CLIP4: variants seen among roughly 807,000 people sequenced by gnomAD.
CLIP4 encodes the protein CAP-Gly domain-containing linker protein 4.
CLIP4 carries 47 observed loss-of-function variants against 73.1 expected under a neutral mutation model. The observed-to-expected ratio is 0.64, with a 90% CI of 0.51 to 0.82. The LOEUF (loss-of-function observed/expected upper bound fraction) is 0.82, where lower values mean the gene tolerates loss of function less well. Among genes scored for constraint, CLIP4 ranks in the 40% least tolerant of loss-of-function variants. The pLI, the probability that CLIP4 is intolerant of heterozygous loss-of-function variation, is 0.00. For missense variants in CLIP4, 874 were observed against 852.9 expected (o/e 1.02, Z -0.31); for synonymous variants, 306 against 295.4 (o/e 1.04, Z -0.37).
Position 29,183,541 on chromosome 2 carries a change from A to C in CLIP4, c.*1648A>C, listed in dbSNP as rs1443126828. 1 of 152,636 alleles carries C rather than the reference A, an allele frequency of 6.6e-6. No homozygotes were observed. The highest frequency in any genetic ancestry group is 1.5e-5 in the Non-Finnish European group (1 of 68,028). The allele number at this position is 152,636 out of a possible 1,614,324, so 9.5% of individuals were successfully genotyped here. ...ACCTTAACATGAAATCCATGACCACACCAAACTTGGTTATTCATAATTTTT... is the reference window on the plus strand; with the variant it reads ...ACCTTAACATGAAATCCATGACCACCCCAAACTTGGTTATTCATAATTTTT... On this transcript the variant is annotated 3_prime_UTR_variant, in exon 16 of 16. Transcript: ENST00000320081.
chr2:29,119,159 T>C (rs1419645855), intron 1 of CLIP4, among the ~76,000 whole-genome samples: 2 of 152,238 alleles, frequency 1.3e-5, no homozygotes, highest in Non-Finnish European at 2.9e-5. Flanking sequence ...TCAGGTAATA[T>C]TGTAGCTTCT....
At chr2:29,135,837 A>G (rs1283723864) in intron 6 of CLIP4, among the ~76,000 whole-genome samples, 171 bp downstream of exon 6, 2 of 152,226 alleles carry the variant, frequency 1.3e-5, no homozygotes, top group East Asian at 3.8e-4. Flanking sequence ...AAATAAATTT[A>G]AGGCATAATG....
At chr2:29,120,067 G>A (rs953586458) in intron 1 of CLIP4, among the ~76,000 whole-genome samples, 5 of 152,070 alleles carry the variant, frequency 3.3e-5, no homozygotes, top group South Asian at 2.1e-4. Flanking sequence ...GAAGATCACC[G>A]CTGCTCTATA....
intron 13 of CLIP4, among the ~76,000 whole-genome samples, chr2:29,165,778 C>T (rs1372290479): frequency 1.3e-5 from 2 of 152,162 alleles, no homozygotes; most frequent in African/African-American, 2.4e-5. Context: ...AAATATTGAT[C>T]CAATCTGATT....
chr2:29,114,547 C>A (rs2148445896), upstream of CLIP4, among the ~76,000 whole-genome samples: 1 of 152,298 alleles, frequency 6.6e-6, no homozygotes, highest in Admixed American at 6.5e-5. Flanking sequence ...AGGTGTTCAA[C>A]CACTGCTTGG....
Position 29,115,977 on chromosome 2 carries a change from T to C in CLIP4, c.-16+312T>C, listed in dbSNP as rs2148449931. Among the ~76,000 whole-genome samples, 1 of 152,256 alleles carries C rather than the reference T, an allele frequency of 6.6e-6. No homozygotes were observed. The highest frequency in any genetic ancestry group is 1.9e-4 in the East Asian group (1 of 5,164). On this transcript the variant is annotated intron_variant, in intron 1 of 15. Transcript: ENST00000320081. The surrounding 1 kb of genome is among the most constrained non-coding windows in gnomAD (Gnocchi z 5.1). ...GCGGGACCCGGCGGCGGAGCTGGGC[T>C]CTGGGCCACGACCGCCAGCCGCGGC... is the stretch of plus-strand genomic sequence containing the variant.
chr2:29,126,666 G>A (rs985154779), intron 2 of CLIP4, among the ~76,000 whole-genome samples: 62 of 152,270 alleles, frequency 4.1e-4, no homozygotes, highest in African/African-American at 1.5e-3. Context: ...AGTTTCTACC[G>A]ATGGACTTTC....
At chr2:29,177,423 AT>A (rs1327760111) in intron 15 of CLIP4, among the ~76,000 whole-genome samples, 26 of 143,146 alleles carry the variant, frequency 1.8e-4, no homozygotes, top group African/African-American at 6.7e-4. Context: ...AAAAAAAAAA[AT>A]ACAAAAATTA....
chr2:29,150,800 A>G (rs925761912), intron 8 of CLIP4, among the ~76,000 whole-genome samples: 2 of 151,880 alleles, frequency 1.3e-5, no homozygotes, highest in Non-Finnish European at 2.9e-5. Context: ...TTGTATTTTT[A>G]GTAGAGATGG....
At chr2:29,159,121 G>T (rs1667124924) in intron 11 of CLIP4, among the ~76,000 whole-genome samples, 2 of 152,230 alleles carry the variant, frequency 1.3e-5, no homozygotes, top group Non-Finnish European at 2.9e-5. Context: ...TTTAGGAAAA[G>T]CACTTTGTAA....
intron 12 of CLIP4, among the ~76,000 whole-genome samples, chr2:29,162,362 G>A (rs1371026218): frequency 1.3e-5 from 2 of 152,156 alleles, no homozygotes; most frequent in Non-Finnish European, 2.9e-5. Flanking sequence ...TAAGTATTTG[G>A]AGGTTATAAG....
intron 6 of CLIP4, among the ~76,000 whole-genome samples, chr2:29,136,954 TA>T (rs749401171): frequency 0.022 from 3,150 of 143,040 alleles, 80 homozygotes; most frequent in African/African-American, 0.053. Context: ...AATAACTACT[TA>T]AAAAAAAAAA....
At chr2:29,137,973 A>G (rs901166584) in intron 6 of CLIP4, among the ~76,000 whole-genome samples, 2 of 151,774 alleles carry the variant, frequency 1.3e-5, no homozygotes, top group East Asian at 1.9e-4. Context: ...TACTCTGTTG[A>G]TAGTTTCTTT....
chr2:29,181,367 G>A (rs1304715292), intron 15 of CLIP4, among the ~76,000 whole-genome samples: 1 of 152,104 alleles, frequency 6.6e-6, no homozygotes, highest in Non-Finnish European at 1.5e-5. Context: ...GTGGACCCAC[G>A]TACTTCAAAC....
intron 15 of CLIP4, among the ~76,000 whole-genome samples, chr2:29,179,548 G>C (rs1668532012): frequency 6.6e-6 from 1 of 152,144 alleles, no homozygotes. Context: ...CTGAACCTCA[G>C]ATTCTTCTTC....
chr2:29,180,536 G>A (rs191485221), intron 15 of CLIP4, among the ~76,000 whole-genome samples: 6 of 152,200 alleles, frequency 3.9e-5, no homozygotes, highest in African/African-American at 4.8e-5. Flanking sequence ...ACCTTTAACC[G>A]TAACTGGAGT....
In CLIP4 at chr2:29,100,758, G is replaced by C. The variant is rs1264157629; in HGVS notation, c.-16+2811G>C. ...AAGGAAAGGCCTGTGCAAGGTTACA[G>C]AGGCAGGAATGTTAGAGGGAGGGGC... is the stretch of plus-strand genomic sequence containing the variant. On this transcript the variant is annotated intron_variant, in intron 1 of 14. Coordinates refer to the CLIP4 transcript ENST00000401605. Among the ~76,000 whole-genome samples the C allele has an allele frequency of 2.0e-5, 3 of 151,882 alleles. No homozygotes were observed. In the East Asian group the frequency reaches 5.8e-4, roughly 30 times the overall value.
chr2:29,161,008 C>T (rs1466143266), intron 12 of CLIP4, among the ~76,000 whole-genome samples: 3 of 151,782 alleles, frequency 2.0e-5, no homozygotes, highest in African/African-American at 7.3e-5. Flanking sequence ...GAGCTTCGCT[C>T]TTGTTGCCCA....
chr2:29,104,802 A>G (rs1480789958), intron 1 of CLIP4, among the ~76,000 whole-genome samples: 1 of 152,222 alleles, frequency 6.6e-6, no homozygotes, highest in East Asian at 1.9e-4. Flanking sequence ...GCTCCCTGGT[A>G]GGTAGGTCAC....
Sources: allele counts gnomAD v4.1 joint callset (sites outside exome capture counted in the v4.1 genomes callset), GRCh38; gene constraint gnomAD v4.1.1; non-coding constraint Gnocchi (gnomAD v3.1); transcripts MANE v1.5; gene names NCBI Gene and HGNC (gene_info 2026-07-23, HGNC 2026-07-21).